Variants in CEACAM5 observed in about 807,000 individuals in gnomAD.
CEACAM5 encodes the protein CEA cell adhesion molecule 5, also known as cell adhesion molecule CEACAM5.
A neutral mutation model predicts 63.0 loss-of-function variants in CEACAM5; 52 were observed. The observed-to-expected ratio is 0.83, with a 90% CI of 0.66 to 1.04. The LOEUF (loss-of-function observed/expected upper bound fraction) is 1.04, where lower values mean the gene tolerates loss of function less well. Among genes scored for constraint, CEACAM5 ranks in the 50% least tolerant of loss-of-function variants. The pLI is 0.00. For synonymous variants in CEACAM5, 357 were observed against 351.3 expected, an observed-to-expected ratio of 1.02 and a Z score of -0.18; for missense variants, 790 against 864.8, an observed-to-expected ratio of 0.91 and a Z score of 1.08.
In CEACAM5 at chr19:41,728,165, A is replaced by C. The variant is rs1038126238; in HGVS notation, c.*36+813A>C. ...TATGTTCATAACAGATACAGAAATG[A>C]AGAAGGCAAGGTCCTTAATTCTATA... is the stretch of plus-strand genomic sequence containing the variant. On this transcript the variant is annotated intron_variant, in intron 9 of 9. Transcript: ENST00000221992. Among the ~76,000 whole-genome samples the C allele has an allele frequency of 2.4e-4, 36 of 152,370 alleles. 1 individual carries two copies. Among genetic ancestry groups the C allele is most frequent in the African/African-American group, 8.2e-4 (34 of 41,594 alleles).
intron 8 of CEACAM5, among the ~76,000 whole-genome samples, chr19:41,723,946 CAA>C (rs35830094): frequency 3.3e-4 from 34 of 103,864 alleles, no homozygotes; most frequent in African/African-American, 6.0e-4. Flanking sequence ...GAGACTCTGT[CAA>C]AAAAAAAAAA....
intron 2 of CEACAM5, 113 bp downstream of exon 2, chr19:41,710,152 A>G: frequency 1.4e-6 from 2 of 1,456,268 alleles, no homozygotes; most frequent in Non-Finnish European, 1.9e-6. Flanking sequence ...GCACCATGTT[A>G]GGGTTTGGGC....
In CEACAM5 at chr19:41,717,714, A is replaced by G; in HGVS notation, c.1218A>G (p.Pro406=). The change falls in exon 5 of 10, where the codon CCA becomes CCG. Residue 406 remains proline (P), a synonymous_variant. Transcript: ENST00000221992. The part of the protein sequence containing the change: ...QNELSVDHSD[P]VILNVLYGPD... ...AATTAAGTGTTGACCACAGCGACCC[A>G]GTCATCCTGAATGTCCTCTGTGAGT... 5 of 1,614,102 alleles carry G rather than the reference A, an allele frequency of 3.1e-6. No homozygotes were observed. The highest frequency in any genetic ancestry group is 4.2e-6 in the Non-Finnish European group (5 of 1,179,958).
chr19:41,716,549 G>A (rs1044839212), intron 4 of CEACAM5, among the ~76,000 whole-genome samples: 17 of 152,140 alleles, frequency 1.1e-4, no homozygotes, highest in African/African-American at 4.1e-4. Flanking sequence ...GGAAAGAGAG[G>A]GAGCCTCAGG....
At chr19:41,723,555 C>T (rs2072657037) in intron 8 of CEACAM5, among the ~76,000 whole-genome samples, 1 of 152,116 alleles carries the variant, frequency 6.6e-6, no homozygotes, top group Non-Finnish European at 1.5e-5. Flanking sequence ...TTCATATATT[C>T]TGGAAATTAA....
chr19:41,717,388 T>C, intron 4 of CEACAM5, 67 bp from the exon 5 acceptor site: 10 of 1,545,528 alleles, frequency 6.5e-6, no homozygotes, highest in Non-Finnish European at 8.8e-6. Flanking sequence ...CCAACTCTGA[T>C]TGATAGATGC....
chr19:41,728,079 G>A (rs1171166980), intron 9 of CEACAM5, among the ~76,000 whole-genome samples: 1 of 152,206 alleles, frequency 6.6e-6, no homozygotes, highest in African/African-American at 2.4e-5. Flanking sequence ...TAACCTGTGA[G>A]TCTTAAGCTC....
intron 8 of CEACAM5, among the ~76,000 whole-genome samples, chr19:41,724,850 C>T (rs1222006220): frequency 6.6e-6 from 1 of 152,132 alleles, no homozygotes; most frequent in Non-Finnish European, 1.5e-5. Context: ...TATTTATTAA[C>T]TCTAACAAGT....
At chr19:41,720,576 G>A (rs367766536) in intron 7 of CEACAM5, among the ~76,000 whole-genome samples, 1 of 143,476 alleles carries the variant, frequency 7.0e-6, no homozygotes, top group African/African-American at 2.6e-5. Context: ...GTGTGATCTC[G>A]GCTCACTGCA....
intron 8 of CEACAM5, among the ~76,000 whole-genome samples, chr19:41,721,711 G>C (rs1471117197): frequency 3.3e-5 from 5 of 152,262 alleles, no homozygotes; most frequent in African/African-American, 9.6e-5. Context: ...GGGTGGGACC[G>C]GGGCATGTGG....
chr19:41,714,704 C>T (rs1439904358), intron 2 of CEACAM5, among the ~76,000 whole-genome samples: 3 of 143,798 alleles, frequency 2.1e-5, no homozygotes, highest in Non-Finnish European at 4.4e-5. Flanking sequence ...CTGTGACCTC[C>T]CCCCCAGTCC....
chr19:41,727,063 A>G (rs1568713672), intron 8 of CEACAM5, among the ~76,000 whole-genome samples, 171 bp from the exon 9 acceptor site: 1 of 152,244 alleles, frequency 6.6e-6, no homozygotes, highest in African/African-American at 2.4e-5. Context: ...CTGATCACCA[A>G]CTAGCAACAC....
intron 8 of CEACAM5, among the ~76,000 whole-genome samples, chr19:41,725,066 T>C (rs552351206): frequency 3.9e-4 from 59 of 152,376 alleles, no homozygotes; most frequent in African/African-American, 1.2e-3. Context: ...TCTTTCTCCA[T>C]TGAGTATCAT....
chr19:41,719,079 G>A (rs544233037), intron 6 of CEACAM5, among the ~76,000 whole-genome samples: 4 of 152,314 alleles, frequency 2.6e-5, no homozygotes, highest in South Asian at 2.1e-4. Flanking sequence ...GTCACCGGCT[G>A]TATGAGATTG....
At chr19:41,719,799 A>G (rs782288691) in intron 6 of CEACAM5, 131 bp from the exon 7 acceptor site, 32 of 1,503,422 alleles carry the variant, frequency 2.1e-5, no homozygotes, top group Non-Finnish European at 2.7e-5. Context: ...GTCTTGTGAT[A>G]CACACACCTG....
intron 2 of CEACAM5, among the ~76,000 whole-genome samples, chr19:41,711,287 T>C (rs997300185): frequency 4.6e-5 from 7 of 152,132 alleles, no homozygotes; most frequent in Non-Finnish European, 8.8e-5. Flanking sequence ...CCTCAAATCC[T>C]GTGTTTCCCG....
rs137942181 is a variant in CEACAM5, at chr19:41,717,945, A to G, written c.1238-183A>G. ...TCCTGTCCTGTAACACTCGGGATCC[A>G]CAGCTAGTGATGGGAGAAACAGATG... On this transcript the variant is annotated intron_variant, in intron 5 of 9. Coordinates refer to ENST00000221992, the MANE Select transcript of CEACAM5 (RefSeq NM_004363.6). 4.8e-3 allele frequency among the ~76,000 whole-genome samples: 736 copies of G among 152,322 alleles called. 10 individuals are homozygous for G. The highest frequency in any genetic ancestry group is 0.017 in the African/African-American group (718 of 41,566).
intron 5 of CEACAM5, 126 bp from the exon 6 acceptor site, chr19:41,718,002 T>C: frequency 1.7e-6 from 2 of 1,161,454 alleles, no homozygotes; most frequent in Middle Eastern, 2.6e-4. Context: ...TTGGATACAG[T>C]AGGGGTTTGG....
At chr19:41,718,919 G>T (rs550613315) in intron 6 of CEACAM5, among the ~76,000 whole-genome samples, 11 of 152,264 alleles carry the variant, frequency 7.2e-5, no homozygotes, top group Non-Finnish European at 1.6e-4. Context: ...TGGGATCCGG[G>T]CATGTGGAGA....
Sources: allele counts gnomAD v4.1 joint callset (sites outside exome capture counted in the v4.1 genomes callset), GRCh38; gene constraint gnomAD v4.1.1; transcripts MANE v1.5; gene names NCBI Gene and HGNC (gene_info 2026-07-23, HGNC 2026-07-21).